ZC3H12C: variants seen among roughly 807,000 people sequenced by gnomAD.
ZC3H12C encodes zinc finger CCCH-type containing 12C, also known as probable ribonuclease ZC3H12C.
ZC3H12C carries 20 observed loss-of-function variants against 76.3 expected under a neutral mutation model. The ratio of observed to expected loss-of-function variants is 0.26; its 90% confidence interval spans 0.18 to 0.38. ZC3H12C has a LOEUF of 0.38. Ranked by LOEUF, ZC3H12C falls within the 10% of genes least tolerant of loss-of-function variation. The probability of loss-of-function intolerance (pLI) is 1.00; values close to 1 mark genes in which losing one functional copy is unlikely to be tolerated. For synonymous variants in ZC3H12C, 352 were observed against 399.6 expected (o/e 0.88, Z 1.42); for missense variants, 874 against 1,086.5 (o/e 0.80, Z 2.75).
At chr11:110,127,889 T>C (rs587448) in intron 1 of ZC3H12C, among the ~76,000 whole-genome samples, 100,938 of 145,830 alleles carry the variant, frequency 0.69, 34,659 homozygotes, top group East Asian at 0.84. Flanking sequence ...CAGTGAGACT[T>C]ACTCTCAAAA....
chr11:110,154,317 G>C (rs1675980), intron 3 of ZC3H12C, among the ~76,000 whole-genome samples: 104,112 of 151,116 alleles, frequency 0.69, 36,679 homozygotes, highest in South Asian at 0.79. Flanking sequence ...TTGCAGTGAG[G>C]TGAGATCACG....
chr11:110,120,052 G>T (rs973611358), intron 1 of ZC3H12C, among the ~76,000 whole-genome samples: 1 of 152,128 alleles, frequency 6.6e-6, no homozygotes, highest in Non-Finnish European at 1.5e-5. Context: ...ACCATCACCT[G>T]ACATGTATTT....
At position 110,100,523 on chromosome 11, in the gene ZC3H12C, C is replaced by T. The variant is rs531208178; in HGVS notation, c.21+7091C>T. Among the ~76,000 whole-genome samples the T allele has an allele frequency of 1.9e-4, 29 of 152,264 alleles. No individual in the cohort carries two copies. In the South Asian group the frequency reaches 2.7e-3, roughly 14 times the overall value. On this transcript the variant is annotated intron_variant, in intron 1 of 5. Coordinates refer to ENST00000278590, the MANE Select transcript of ZC3H12C (RefSeq NM_033390.2). ...ACCGTAAGTCAAGCAAGTCTGTCTG[C>T]GCCATTTTTCCAATAGCATTTGCTC...
At chr11:110,136,024 T>G (rs1003379733) in intron 1 of ZC3H12C, 5 of 152,204 alleles carry the variant, frequency 3.3e-5, no homozygotes, top group African/African-American at 1.2e-4. Context: ...TAAGAAGAAT[T>G]TAACTCACTT....
intron 1 of ZC3H12C, among the ~76,000 whole-genome samples, chr11:110,107,883 G>C (rs10891057): frequency 1.3e-5 from 2 of 151,730 alleles, no homozygotes; most frequent in Non-Finnish European, 2.9e-5. Flanking sequence ...GGCTGGTCTT[G>C]AACTCCTGAG....
At chr11:110,098,762 A>T (rs1164682193) in intron 1 of ZC3H12C, among the ~76,000 whole-genome samples, 1 of 152,192 alleles carries the variant, frequency 6.6e-6, no homozygotes, top group East Asian at 1.9e-4. Context: ...ATAGCCTAGG[A>T]GTGTAGTAGG....
At chr11:110,103,816 C>G (rs1009650982) in intron 1 of ZC3H12C, among the ~76,000 whole-genome samples, 4 of 151,944 alleles carry the variant, frequency 2.6e-5, no homozygotes, top group Non-Finnish European at 4.4e-5. Context: ...TGTTAGCCAG[C>G]ATGGTCTCCA....
chr11:110,160,448 A>G (rs1018737594), intron 4 of ZC3H12C, among the ~76,000 whole-genome samples: 1 of 152,174 alleles, frequency 6.6e-6, no homozygotes, highest in Non-Finnish European at 1.5e-5. Flanking sequence ...AAAACATTGT[A>G]CAACTGTACA....
intron 1 of ZC3H12C, among the ~76,000 whole-genome samples, chr11:110,111,109 A>T (rs1861420132): frequency 6.6e-6 from 1 of 152,004 alleles, no homozygotes; most frequent in South Asian, 2.1e-4. Flanking sequence ...GCACTTTGGA[A>T]CTCCTGAGTG....
intron 3 of ZC3H12C, among the ~76,000 whole-genome samples, chr11:110,158,096 G>A (rs1433797978): frequency 1.3e-5 from 2 of 152,194 alleles, no homozygotes; most frequent in Non-Finnish European, 2.9e-5. Context: ...GGGGGACAGA[G>A]GAGCAAAAGT....
chr11:110,153,161 C>A, intron 3 of ZC3H12C, 103 bp downstream of exon 3: 1 of 1,369,730 alleles, frequency 7.3e-7, no homozygotes, highest in Non-Finnish European at 9.8e-7. Flanking sequence ...TTGCTCAGCG[C>A]AGGCAGTGGG....
intron 2 of ZC3H12C, among the ~76,000 whole-genome samples, chr11:110,145,601 G>C (rs996060080): frequency 2.7e-5 from 4 of 149,920 alleles, no homozygotes; most frequent in African/African-American, 9.9e-5. Flanking sequence ...CAGAAATTGG[G>C]GGCGGGGGGG....
In ZC3H12C at chr11:110,162,060, AG is replaced by A. The variant is rs1310624223; in HGVS notation, c.1149-1207del. ...GAGGCAGGAGAATTGTTTGAACCCC[AG>A]GGGGGCGGAGGTTGCAGTGAGCTGA... On this transcript the variant is annotated intron_variant, in intron 4 of 5. Coordinates refer to ENST00000278590, the MANE Select transcript of ZC3H12C (RefSeq NM_033390.2). 5.9e-5 allele frequency among the ~76,000 whole-genome samples: 9 copies of A among 152,202 alleles called. No homozygotes were observed. The South Asian group carries it at 1.0e-3, about 18-fold the overall frequency.
chr11:110,112,209 A>G (rs1265937919), intron 1 of ZC3H12C, among the ~76,000 whole-genome samples: 1 of 152,160 alleles, frequency 6.6e-6, no homozygotes. Context: ...ACATATACAT[A>G]TATTTTTGAG....
chr11:110,164,517 A>G lies in ZC3H12C; in HGVS notation c.1432A>G (p.Ser478Gly). 3 of 1,614,030 alleles carry G rather than the reference A, an allele frequency of 1.9e-6. No individual in the cohort carries two copies. The highest frequency in any genetic ancestry group is 1.1e-5 in the South Asian group (1 of 91,084). ...TGTTCCTTGTAGCACCAAGGCTGAT[A>G]GCACTTCTGATGTCAAACGAGGTGC... ...NSVPCSTKAD[S>G]TSDVKRGAPK... Residue 478 changes from serine (S) to glycine (G), a missense_variant, in exon 6 of 6, where the codon AGC becomes GGC. Ser to Gly is a moderately conservative substitution (Grantham distance 56, BLOSUM62 0). This residue lies in a region of ZC3H12C where 269 missense variants were observed against 424.9 expected (regional missense o/e 0.63). Transcript: ENST00000278590. This position sits in a 1 kb window ranked among gnomAD's most constrained non-coding sequence, Gnocchi z 5.7.
chr11:110,097,436 G>T (rs1353361432), intron 1 of ZC3H12C, among the ~76,000 whole-genome samples: 2 of 152,144 alleles, frequency 1.3e-5, no homozygotes, highest in Admixed American at 1.3e-4. Flanking sequence ...CCTTTTGCCT[G>T]GGTCACACCT....
chr11:110,118,656 G>C (rs1406543074), intron 1 of ZC3H12C, among the ~76,000 whole-genome samples: 1 of 152,180 alleles, frequency 6.6e-6, no homozygotes, highest in Admixed American at 6.6e-5. Flanking sequence ...AATTAGCTGG[G>C]CATGGTAGCA....
intron 1 of ZC3H12C, among the ~76,000 whole-genome samples, chr11:110,111,836 C>A (rs1302187726): frequency 2.0e-5 from 3 of 151,734 alleles, no homozygotes. Flanking sequence ...AACCACTGTA[C>A]CTGGCCCCCA....
intron 1 of ZC3H12C, among the ~76,000 whole-genome samples, chr11:110,130,394 T>C (rs17110789): frequency 0.032 from 4,930 of 152,292 alleles, 158 homozygotes; most frequent in East Asian, 0.086. Context: ...TTTTGTTTTC[T>C]TGTCTTGCAA....
Sources: allele counts gnomAD v4.1 joint callset (sites outside exome capture counted in the v4.1 genomes callset), GRCh38; gene constraint gnomAD v4.1.1; regional missense constraint gnomAD v4.1.1; non-coding constraint Gnocchi (gnomAD v3.1); transcripts MANE v1.5; gene names NCBI Gene and HGNC (gene_info 2026-07-23, HGNC 2026-07-21).